Variants in AP3M2 observed in about 807,000 individuals in gnomAD.
The protein encoded by AP3M2 is adaptor related protein complex 3 subunit mu 2.
AP3M2 carries 28 observed loss-of-function variants against 41.6 expected under a neutral mutation model. The observed-to-expected ratio is 0.67, with a 90% CI of 0.50 to 0.92. The LOEUF (loss-of-function observed/expected upper bound fraction) is 0.92, where lower values mean the gene tolerates loss of function less well. Ranked by LOEUF, AP3M2 falls within the 40% of genes least tolerant of loss-of-function variation. The pLI, the probability that AP3M2 is intolerant of heterozygous loss-of-function variation, is 0.00. For synonymous variants in AP3M2, 193 were observed against 186.4 expected (o/e 1.04, Z -0.29); for missense variants, 427 against 521.4 (o/e 0.82, Z 1.76).
chr8:42,158,127 G>C lies in AP3M2; in HGVS notation c.445+15G>C. 1 of 1,609,428 alleles carries C rather than the reference G, an allele frequency of 6.2e-7. No homozygotes were observed. The highest frequency in any genetic ancestry group is 8.5e-7 in the Non-Finnish European group (1 of 1,176,092). Reference sequence around the variant, plus strand: ...CACCATCACAGGTACGGCAGAGGGGGAAACTGATAGATAGTGGCCATCCTA... The same window carrying C: ...CACCATCACAGGTACGGCAGAGGGGCAAACTGATAGATAGTGGCCATCCTA... On this transcript the variant is annotated intron_variant, in intron 3 of 8. Transcript: ENST00000396926.
At position 42,159,714 on chromosome 8, in the gene AP3M2, T is replaced by C. The variant is rs549799274; in HGVS notation, c.445+1602T>C. ...CCACATTTTAAATGTTTTGATTTAATCAAATTAATCATTCTTTTCATTAAG... is the reference window on the plus strand; with the variant it reads ...CCACATTTTAAATGTTTTGATTTAACCAAATTAATCATTCTTTTCATTAAG... On this transcript the variant is annotated intron_variant, in intron 3 of 8. Coordinates refer to ENST00000396926, the MANE Select transcript of AP3M2 (RefSeq NM_006803.4). 4.6e-5 allele frequency among the ~76,000 whole-genome samples: 7 copies of C among 152,366 alleles called. No individual in the cohort carries two copies. In the East Asian group the frequency reaches 1.3e-3, roughly 29 times the overall value.
chr8:42,168,865 T>A, intron 8 of AP3M2, 96 bp from the exon 9 acceptor site: 1 of 841,864 alleles, frequency 1.2e-6, no homozygotes, highest in Non-Finnish European at 1.9e-6. Context: ...GCAATGTCGG[T>A]CCCACTGACT....
intron 2 of AP3M2, 66 bp from the exon 3 acceptor site, chr8:42,157,875 T>G: frequency 1.4e-6 from 2 of 1,465,732 alleles, no homozygotes; most frequent in Non-Finnish European, 1.9e-6. Context: ...TGTAGGCACA[T>G]TCTTTTATTT....
chr8:42,167,255 C>T lies in AP3M2; in HGVS notation c.895C>T (p.Gln299Ter). 1 of 1,614,066 alleles carries T rather than the reference C, an allele frequency of 6.2e-7. No homozygotes were observed. Among genetic ancestry groups the T allele is most frequent in the Non-Finnish European group, 8.5e-7 (1 of 1,180,022 alleles). ...CTTTGAAATAACGGTGGGACCCAAG[C>T]AGACGATGGGGAAGACCATTGAGGG... ...GRFEITVGPK[Q>*]TMGKTIEGVT... The change falls in exon 7 of 9, where the codon CAG (glutamine) becomes TAG (stop). Residue 299 changes from glutamine to a stop codon, truncating the protein, a stop_gained. Coordinates refer to ENST00000396926, the MANE Select transcript of AP3M2 (RefSeq NM_006803.4). LOFTEE classifies it high-confidence loss of function.
In AP3M2 at chr8:42,168,604, T is replaced by C. The variant is rs143380105; in HGVS notation, c.1157-357T>C. ...TTAATTACTTTCATTGTTAATTCCT[T>C]TATTTATAATTTACTTCATTATTCA... On this transcript the variant is annotated intron_variant, in intron 8 of 8. Transcript: ENST00000396926. Among the ~76,000 whole-genome samples, 47 of 152,342 alleles carry C rather than the reference T, an allele frequency of 3.1e-4. 1 individual carries two copies. In the East Asian group the frequency reaches 8.5e-3, roughly 27 times the overall value.
At chr8:42,162,603 A>G (rs1587915739) in intron 4 of AP3M2, among the ~76,000 whole-genome samples, 185 bp downstream of exon 4, 1 of 152,080 alleles carries the variant, frequency 6.6e-6, no homozygotes, top group Admixed American at 6.5e-5. Context: ...ACCAGGGTTT[A>G]TTTCATATGT....
chr8:42,154,152 A>G (rs1804290753), intron 1 of AP3M2: 1 of 154,852 alleles, frequency 6.5e-6, no homozygotes, highest in Non-Finnish European at 1.4e-5. Flanking sequence ...AGTCCGCACC[A>G]GCCACCTTTC....
chr8:42,153,876 C>G (rs995062606), intron 1 of AP3M2: 1 of 152,132 alleles, frequency 6.6e-6, no homozygotes, highest in African/African-American at 2.4e-5. Context: ...TAAAGACCCC[C>G]AAGGGCAGCT....
intron 3 of AP3M2, among the ~76,000 whole-genome samples, chr8:42,161,384 G>T (rs1587915031): frequency 6.6e-6 from 1 of 152,138 alleles, no homozygotes; most frequent in Admixed American, 6.5e-5. Flanking sequence ...GCCGAGTTGG[G>T]TGGATCATTA....
At chr8:42,158,655 A>G (rs1034189535) in intron 3 of AP3M2, among the ~76,000 whole-genome samples, 6 of 152,230 alleles carry the variant, frequency 3.9e-5, no homozygotes, top group Non-Finnish European at 5.9e-5. Flanking sequence ...TTTTCTGATT[A>G]CAGAAGAAAC....
At chr8:42,161,040 C>T (rs1587914774) in intron 3 of AP3M2, among the ~76,000 whole-genome samples, 2 of 152,204 alleles carry the variant, frequency 1.3e-5, no homozygotes, top group African/African-American at 4.8e-5. Flanking sequence ...CATATTGGCT[C>T]ATGCCTGTAT....
chr8:42,165,770 T>A, intron 6 of AP3M2: 3 of 519,744 alleles, frequency 5.8e-6, no homozygotes, highest in Non-Finnish European at 1.0e-5. Flanking sequence ...AGTGCCTTGT[T>A]CTGAAGATTG....
At position 42,165,443 on chromosome 8, in the gene AP3M2, A is replaced by C. The variant is rs1344055831; in HGVS notation, c.686A>C (p.Asp229Ala). The C allele has an allele frequency of 6.2e-7, 1 of 1,614,142 alleles. No homozygotes were observed. Reference sequence around the variant, plus strand: ...TGACTGTAGAACCCTAGGTTGTTGGATGATGTCAGCTTCCATCCTTGTGTT... The same window carrying C: ...TGACTGTAGAACCCTAGGTTGTTGGCTGATGTCAGCTTCCATCCTTGTGTT... ...TLSFMNPRLL[D>A]DVSFHPCVRF... Residue 229 changes from aspartate (D) to alanine (A), a missense_variant, in exon 6 of 9, where the codon GAT becomes GCT. Asp to Ala is a moderately radical substitution (Grantham distance 126). Around this residue, in one of 3 missense-constraint regions of AP3M2, gnomAD observed 237 missense variants for 284.9 expected, o/e 0.83. Transcript: ENST00000396926.
intron 4 of AP3M2, among the ~76,000 whole-genome samples, chr8:42,163,989 G>C (rs1217693763): frequency 1.3e-5 from 2 of 152,210 alleles, no homozygotes; most frequent in Admixed American, 6.5e-5. Context: ...GATGAGACTT[G>C]TAGTTTAGAG....
intron 8 of AP3M2, chr8:42,168,235 A>G (rs1804693746): frequency 2.2e-6 from 1 of 457,330 alleles, no homozygotes; most frequent in African/African-American, 2.0e-5. Context: ...TTTTGGAACC[A>G]CTGGGCCTTT....
At position 42,161,253 on chromosome 8, in the gene AP3M2, T is replaced by C. The variant is rs547934445; in HGVS notation, c.446-1028T>C. The stretch of plus-strand genomic sequence containing the variant: ...AGGAGGTCGAGGCTGCAGTGAGTTA[T>C]GATTGTGCCTGTGAATAGCCACTGA... On this transcript the variant is annotated intron_variant, in intron 3 of 8. Transcript: ENST00000396926. Among the ~76,000 whole-genome samples, 28 of 152,054 alleles carry C rather than the reference T, an allele frequency of 1.8e-4. No individual in the cohort carries two copies. In the East Asian group the frequency reaches 2.9e-3, roughly 16 times the overall value.
At chr8:42,157,836 A>G in intron 2 of AP3M2, 105 bp from the exon 3 acceptor site, 6 of 1,108,870 alleles carry the variant, frequency 5.4e-6, no homozygotes, top group Non-Finnish European at 7.6e-6. Flanking sequence ...TAGCCCAGAA[A>G]CACATGGACA....
intron 4 of AP3M2, 68 bp from the exon 5 acceptor site, chr8:42,165,003 T>C: frequency 7.4e-7 from 1 of 1,357,226 alleles, no homozygotes; most frequent in Non-Finnish European, 1.0e-6. Flanking sequence ...AGGGAGGAGA[T>C]AAGTTTGTTG....
In AP3M2 at chr8:42,167,352, C is replaced by T; in HGVS notation, c.992C>T (p.Thr331Ile). 1.2e-6 allele frequency: 2 copies of T among 1,614,108 alleles called. No homozygotes were observed. The highest frequency in any genetic ancestry group is 1.7e-6 in the Non-Finnish European group (2 of 1,179,990). The change falls in exon 7 of 9, where the codon ACA becomes ATA. Residue 331 changes from threonine (T) to isoleucine (I), a missense_variant. Coordinates refer to ENST00000396926, the MANE Select transcript of AP3M2 (RefSeq NM_006803.4). Reference sequence around the variant, plus strand: ...CTTACTCCATCACAGGGGACACACACATTCGACCCAGTCACAAAGGTAGGG... The same window carrying T: ...CTTACTCCATCACAGGGGACACACATATTCGACCCAGTCACAAAGGTAGGG... ...MSLTPSQGTH[T>I]FDPVTKMLSW...
Sources: gnomAD v4.1 joint callset for allele counts (sites outside exome capture counted in the v4.1 genomes callset) on GRCh38, gnomAD v4.1.1 for gene constraint, gnomAD v4.1.1 regional missense constraint, MANE v1.5 for transcripts, NCBI Gene and HGNC (gene_info 2026-07-23, HGNC 2026-07-21) for gene names.